PPP3CA: variants seen among roughly 807,000 people sequenced by gnomAD.
PPP3CA encodes the protein CAM-PRP catalytic subunit.
In PPP3CA, 14 loss-of-function variants were observed where a neutral mutation model predicts 66.5. That is an observed-to-expected ratio of 0.21 (90% CI 0.14 to 0.33). The LOEUF is 0.33. Ranked by LOEUF, PPP3CA falls within the 10% of genes least tolerant of loss-of-function variation. PPP3CA has a pLI of 1.00. For missense variants in PPP3CA, 317 were observed against 639.5 expected, an observed-to-expected ratio of 0.50 and a Z score of 5.44; for synonymous variants, 232 against 226.2, an observed-to-expected ratio of 1.03 and a Z score of -0.23.
At chr4:101,242,893 C>T (rs1217740766) in intron 1 of PPP3CA, among the ~76,000 whole-genome samples, 1 of 152,150 alleles carries the variant, frequency 6.6e-6, no homozygotes, top group Non-Finnish European at 1.5e-5. Flanking sequence ...ACATACTGCA[C>T]TCCAGCCTAG....
At position 101,029,211 on chromosome 4, in the gene PPP3CA, G is replaced by C; in HGVS notation, c.1340-16C>G. 1 of 1,605,386 alleles carries C rather than the reference G, an allele frequency of 6.2e-7. No homozygotes were observed. The highest frequency in any genetic ancestry group is 1.1e-5 in the South Asian group (1 of 90,878). On this transcript the variant is annotated splice_polypyrimidine_tract_variant and intron_variant, in intron 12 of 13. Transcript: ENST00000394854. Reference sequence around the variant, plus strand: ...TCAACAGTAGCTGAAGAGAAGAAAGGGGGTGCAAAATGAATGAGAAAAATG... The same window carrying C: ...TCAACAGTAGCTGAAGAGAAGAAAGCGGGTGCAAAATGAATGAGAAAAATG...
rs113285788 is a variant in PPP3CA, at chr4:101,275,862, T to G, written c.58+70877A>C. Among the ~76,000 whole-genome samples the G allele has an allele frequency of 1.9e-4, 16 of 84,292 alleles. No homozygotes were observed. In the South Asian group the frequency reaches 2.1e-3, roughly 11 times the overall value. 55.3% of individuals were successfully genotyped at this position (84,292 alleles called of 152,430 possible). On this transcript the variant is annotated intron_variant, in intron 1 of 13. Coordinates refer to ENST00000394854, the MANE Select transcript of PPP3CA (RefSeq NM_000944.5). ...TTTTGTTTTCTGTGTGTATGTGTGGTTTTTTTTTTGTTTTTTGTTTGTTTG... is the reference window on the plus strand; with the variant it reads ...TTTTGTTTTCTGTGTGTATGTGTGGGTTTTTTTTTGTTTTTTGTTTGTTTG...
intron 8 of PPP3CA, among the ~76,000 whole-genome samples, chr4:101,073,614 C>A (rs1279356378): frequency 6.6e-6 from 1 of 152,068 alleles, no homozygotes; most frequent in African/African-American, 2.4e-5. Flanking sequence ...TTTGTAATTT[C>A]TACTTTATTC....
chr4:101,328,426 CA>C (rs1387085318), intron 1 of PPP3CA, among the ~76,000 whole-genome samples: 1 of 152,168 alleles, frequency 6.6e-6, no homozygotes, highest in Non-Finnish European at 1.5e-5. Context: ...GATCTCAAAA[CA>C]ATTCACATTT....
chr4:101,040,461 A>C, intron 11 of PPP3CA, 21 bp downstream of exon 11: 1 of 1,540,826 alleles, frequency 6.5e-7, no homozygotes, highest in Non-Finnish European at 8.8e-7. Context: ...TGAAACAAAA[A>C]CAGAGTACGA....
chr4:101,282,227 C>G (rs1343428427), intron 1 of PPP3CA, among the ~76,000 whole-genome samples: 1 of 152,186 alleles, frequency 6.6e-6, no homozygotes, highest in South Asian at 2.1e-4. Flanking sequence ...TTGATAACCA[C>G]TTCACACCTA....
rs3974660 is a variant in PPP3CA at position 101,346,877 on chromosome 4, A to ACGCCGCCGCCGCCGCCGC, written c.-99_-82dup. On this transcript the variant is annotated 5_prime_UTR_variant, in exon 1 of 14. Coordinates refer to ENST00000394854, the MANE Select transcript of PPP3CA (RefSeq NM_000944.5). ...ACCGGACCGGCGGGCCAGACACTCAACGCCGCCGCCGCCGCCGCCGCCGCC... is the reference window on the plus strand; with the variant it reads ...ACCGGACCGGCGGGCCAGACACTCAACGCCGCCGCCGCCGCCGCCGCCGCCGCCGCCGCCGCCGCCGCC... 17 of 1,292,942 alleles carry ACGCCGCCGCCGCCGCCGC rather than the reference A, an allele frequency of 1.3e-5. No homozygotes were observed. The highest frequency in any genetic ancestry group is 1.6e-5 in the African/African-American group (1 of 61,168). The allele number at this position is 1,292,942 out of a possible 1,614,324, so 80.1% of individuals were successfully genotyped here.
At chr4:101,322,166 A>G (rs779982977) in intron 1 of PPP3CA, among the ~76,000 whole-genome samples, 26 of 152,188 alleles carry the variant, frequency 1.7e-4, no homozygotes, top group Admixed American at 9.2e-4. Context: ...TAAAAAATAG[A>G]TAGCACAGTC....
Position 101,188,893 on chromosome 4 carries a change from G to A in PPP3CA, c.259+7023C>T, listed in dbSNP as rs79287638. Among the ~76,000 whole-genome samples the A allele has an allele frequency of 8.1e-3, 1,226 of 152,108 alleles. 16 individuals carry two copies. The highest frequency in any genetic ancestry group is 0.028 in the African/African-American group (1,178 of 41,438). ...CCATTAGCAAGGTGTGGACCTAAAAGCATTTAGTTTATATTTTTAATAATA... is the reference window on the plus strand; with the variant it reads ...CCATTAGCAAGGTGTGGACCTAAAAACATTTAGTTTATATTTTTAATAATA... On this transcript the variant is annotated intron_variant, in intron 2 of 13. Transcript: ENST00000394854.
chr4:101,258,296 C>T (rs1428272072), intron 1 of PPP3CA, among the ~76,000 whole-genome samples: 1 of 152,042 alleles, frequency 6.6e-6, no homozygotes, highest in Admixed American at 6.6e-5. Flanking sequence ...AGGTAAGAAA[C>T]TATGGTCTAG....
At chr4:101,077,677 T>C (rs1729250247) in intron 8 of PPP3CA, among the ~76,000 whole-genome samples, 1 of 152,194 alleles carries the variant, frequency 6.6e-6, no homozygotes, top group Admixed American at 6.5e-5. Context: ...GTTTATCTTT[T>C]TCTCTCCGGA....
At chr4:101,125,468 C>T (rs1722216770) in intron 2 of PPP3CA, among the ~76,000 whole-genome samples, 1 of 152,142 alleles carries the variant, frequency 6.6e-6, no homozygotes, top group Non-Finnish European at 1.5e-5. Context: ...GTCTCCTGCA[C>T]ACTCATGAGT....
At chr4:101,336,428 C>T (rs1392658516) in intron 1 of PPP3CA, among the ~76,000 whole-genome samples, 1 of 151,810 alleles carries the variant, frequency 6.6e-6, no homozygotes, top group African/African-American at 2.4e-5. Context: ...AAAAATTAGC[C>T]AGGCATGGTG....
At chr4:101,194,395 T>G (rs2110189031) in intron 2 of PPP3CA, among the ~76,000 whole-genome samples, 1 of 152,250 alleles carries the variant, frequency 6.6e-6, no homozygotes, top group African/African-American at 2.4e-5. Flanking sequence ...ATATATGAAA[T>G]ACTTTTAGAT....
intron 1 of PPP3CA, among the ~76,000 whole-genome samples, chr4:101,290,517 ATCT>A (rs1578634475): frequency 6.6e-6 from 1 of 152,234 alleles, no homozygotes; most frequent in Non-Finnish European, 1.5e-5. Context: ...GAAAGTCAGA[ATCT>A]TGTTTCTTTT....
intron 8 of PPP3CA, among the ~76,000 whole-genome samples, chr4:101,080,055 G>A (rs1348661959): frequency 1.3e-5 from 2 of 152,098 alleles, no homozygotes; most frequent in Non-Finnish European, 2.9e-5. Flanking sequence ...GCTTTTTAAA[G>A]AAATAAACAT....
chr4:101,125,667 C>A (rs908193202), intron 2 of PPP3CA, among the ~76,000 whole-genome samples: 2 of 152,148 alleles, frequency 1.3e-5, no homozygotes, highest in South Asian at 2.1e-4. Flanking sequence ...TTATATATTT[C>A]TCTTTATCAT....
At chr4:101,163,434 T>A (rs2659551) in intron 2 of PPP3CA, among the ~76,000 whole-genome samples, 44,397 of 152,004 alleles carry the variant, frequency 0.29, 7,413 homozygotes, top group African/African-American at 0.45. Flanking sequence ...AAGTCAAAGT[T>A]GTGGTATTTT....
At chr4:101,028,422 G>A (rs1726769231) in intron 13 of PPP3CA, among the ~76,000 whole-genome samples, 1 of 152,266 alleles carries the variant, frequency 6.6e-6, no homozygotes, top group South Asian at 2.1e-4. Context: ...GCTGGAGATG[G>A]ACACTTCTTG....
Sources: allele counts gnomAD v4.1 joint callset (sites outside exome capture counted in the v4.1 genomes callset), GRCh38; gene constraint gnomAD v4.1.1; transcripts MANE v1.5; gene names NCBI Gene and HGNC (gene_info 2026-07-23, HGNC 2026-07-21).